The following ASXL2 variants were observed in gnomAD, a reference collection of about 807,000 sequenced individuals.
ASXL2 encodes putative Polycomb group protein ASXL2.
A neutral mutation model predicts 122.0 loss-of-function variants in ASXL2; 23 were observed. The observed-to-expected ratio is 0.19, with a 90% CI of 0.14 to 0.27. The LOEUF (loss-of-function observed/expected upper bound fraction) is 0.27, where lower values mean the gene tolerates loss of function less well. ASXL2 is among the 10% of genes least tolerant of loss of function. ASXL2 has a pLI of 1.00. For synonymous variants in ASXL2, 650 were observed against 637.0 expected, an observed-to-expected ratio of 1.02 and a Z score of -0.31; for missense variants, 1,518 against 1,713.8, an observed-to-expected ratio of 0.89 and a Z score of 2.02.
At chr2:25,825,228 C>T (rs1478225049) in intron 3 of ASXL2, among the ~76,000 whole-genome samples, 2 of 152,194 alleles carry the variant, frequency 1.3e-5, no homozygotes, top group Non-Finnish European at 2.9e-5. Flanking sequence ...CTATTTCCTA[C>T]TAATATAACA....
chr2:25,815,700 C>A (rs1303893304), intron 3 of ASXL2, among the ~76,000 whole-genome samples: 3 of 152,106 alleles, frequency 2.0e-5, no homozygotes, highest in Non-Finnish European at 4.4e-5. Context: ...GAGAATGGAA[C>A]AAAATTGAAG....
intron 1 of ASXL2, among the ~76,000 whole-genome samples, chr2:25,866,776 A>G (rs138444320): frequency 0.025 from 3,735 of 152,328 alleles, 130 homozygotes; most frequent in African/African-American, 0.078. Context: ...TCTGTTGCCC[A>G]GGCTGGAGTG....
chr2:25,814,168 G>A (rs2089206570), intron 3 of ASXL2, among the ~76,000 whole-genome samples: 1 of 152,074 alleles, frequency 6.6e-6, no homozygotes, highest in South Asian at 2.1e-4. Flanking sequence ...AAGATATACA[G>A]GACACAGTAC....
intron 1 of ASXL2, 74 bp from the exon 2 acceptor site, chr2:25,845,637 TTAC>T: frequency 1.4e-6 from 1 of 690,748 alleles, no homozygotes; most frequent in Non-Finnish European, 2.0e-6. Context: ...TTTCTTATAA[TTAC>T]GTCTTAAAAG....
chr2:25,825,140 G>C (rs1177261511), intron 3 of ASXL2, among the ~76,000 whole-genome samples: 5 of 152,034 alleles, frequency 3.3e-5, no homozygotes, highest in Admixed American at 2.0e-4. Context: ...AATTTAACAA[G>C]GTAAAATGAA....
At position 25,799,503 on chromosome 2, in the gene ASXL2, T is replaced by C; in HGVS notation, c.285A>G (p.Ser95=). 1 of 1,613,928 alleles carries C rather than the reference T, an allele frequency of 6.2e-7. No individual in the cohort carries two copies. Among genetic ancestry groups the C allele is most frequent in the South Asian group, 1.1e-5 (1 of 91,080 alleles). ...CATCACTGCTTTCTTCTGAACCTTC[T>C]GACAGCTCTTTCACCCCATCCGGCA... is the stretch of plus-strand genomic sequence containing the variant. ...KDVPDGVKEL[S]EGSEESSDGQ... is the part of the protein sequence containing the mutation. Residue 95 remains serine, a synonymous_variant, in exon 5 of 13, where the codon TCA becomes TCG. Coordinates refer to ENST00000435504, the MANE Select transcript of ASXL2 (RefSeq NM_018263.6).
At chr2:25,751,723 A>G (rs988381155) in intron 11 of ASXL2, among the ~76,000 whole-genome samples, 8 of 152,168 alleles carry the variant, frequency 5.3e-5, no homozygotes, top group African/African-American at 1.9e-4. Context: ...GTCTAAATGT[A>G]CCAAACATCA....
chr2:25,804,290 A>G (rs1264575773), intron 4 of ASXL2, among the ~76,000 whole-genome samples: 1 of 152,216 alleles, frequency 6.6e-6, no homozygotes, highest in African/African-American at 2.4e-5. Flanking sequence ...ATTCCCCTTC[A>G]GCTGATAAAT....
intron 3 of ASXL2, among the ~76,000 whole-genome samples, chr2:25,833,999 T>C (rs373436829): frequency 1.1e-4 from 16 of 152,202 alleles, no homozygotes; most frequent in African/African-American, 3.9e-4. Flanking sequence ...CCATATTCTT[T>C]AAATAAATCT....
chr2:25,775,665 G>A (rs2088535233), intron 5 of ASXL2, among the ~76,000 whole-genome samples: 1 of 152,086 alleles, frequency 6.6e-6, no homozygotes, highest in African/African-American at 2.4e-5. Flanking sequence ...TGCCATGATT[G>A]TTGTTTCCTG....
Position 25,878,343 on chromosome 2 carries a change from A to C in ASXL2, c.-121T>G. 1.3e-5 allele frequency: 10 copies of C among 789,874 alleles called. No individual in the cohort carries two copies. The highest frequency in any genetic ancestry group is 8.3e-5 in the East Asian group (2 of 24,038). The allele number at this position is 789,874 out of a possible 1,614,324, so 48.9% of individuals were successfully genotyped here. ...AAAGGTGGGAGAAAAGGGAAGTCAG[A>C]CCGGGGGGGCACCCAAGCAGAGGAA... On this transcript the variant is annotated 5_prime_UTR_variant, in exon 1 of 13. Coordinates refer to ENST00000435504, the MANE Select transcript of ASXL2 (RefSeq NM_018263.6).
intron 3 of ASXL2, among the ~76,000 whole-genome samples, chr2:25,816,908 T>G (rs2089245122): frequency 6.6e-6 from 1 of 152,206 alleles, no homozygotes. Flanking sequence ...GCGGATCACC[T>G]GAGGTCTGAT....
intron 10 of ASXL2, among the ~76,000 whole-genome samples, chr2:25,754,016 G>A (rs1421787452): frequency 1.3e-5 from 2 of 152,000 alleles, no homozygotes; most frequent in Non-Finnish European, 2.9e-5. Flanking sequence ...TATGCCACTG[G>A]GCATTTTTAC....
intron 1 of ASXL2, among the ~76,000 whole-genome samples, chr2:25,862,345 T>C (rs2089850093): frequency 6.6e-6 from 1 of 152,210 alleles, no homozygotes; most frequent in Non-Finnish European, 1.5e-5. Flanking sequence ...GCTTCACTTA[T>C]ATTACAATGG....
intron 3 of ASXL2, among the ~76,000 whole-genome samples, chr2:25,813,273 A>C (rs1190055963): frequency 6.6e-6 from 1 of 152,210 alleles, no homozygotes; most frequent in East Asian, 1.9e-4. Context: ...TATTAATATA[A>C]ACACAGGTCC....
intron 12 of ASXL2, among the ~76,000 whole-genome samples, chr2:25,746,253 G>A (rs2087939853): frequency 6.6e-6 from 1 of 152,060 alleles, no homozygotes; most frequent in South Asian, 2.1e-4. Context: ...AAGGTCAGTA[G>A]TCCTCAAAAA....
chr2:25,822,289 C>A (rs565944236), intron 3 of ASXL2, among the ~76,000 whole-genome samples: 1 of 152,218 alleles, frequency 6.6e-6, no homozygotes, highest in African/African-American at 2.4e-5. Context: ...GCTCTTTCTG[C>A]GCGGTGCATT....
At position 25,750,192 on chromosome 2, in the gene ASXL2, G is replaced by A. The variant is rs2088020744; in HGVS notation, c.1364C>T (p.Pro455Leu). Reference sequence around the variant, plus strand: ...GGGCTCTGAAGATGTGGAGAAGTTCGGCTGCACTTCACCTTGGCTTTCACA... The same window carrying A: ...GGGCTCTGAAGATGTGGAGAAGTTCAGCTGCACTTCACCTTGGCTTTCACA... Reference protein sequence around the residue: ...EECESQGEVQPNFSTSSEPLL... With the variant: ...EECESQGEVQLNFSTSSEPLL... Residue 455 changes from proline to leucine, a missense_variant, in exon 12 of 13, where the codon CCG becomes CTG. Coordinates refer to ENST00000435504, the MANE Select transcript of ASXL2 (RefSeq NM_018263.6). The A allele has an allele frequency of 3.7e-6, 6 of 1,613,892 alleles. No homozygotes were observed. The highest frequency in any genetic ancestry group is 5.1e-6 in the Non-Finnish European group (6 of 1,179,860).
intron 12 of ASXL2, among the ~76,000 whole-genome samples, chr2:25,748,839 T>A (rs1379371519): frequency 6.6e-6 from 1 of 152,242 alleles, no homozygotes; most frequent in African/African-American, 2.4e-5. Context: ...CAGTCAAAGA[T>A]ACTACCTAGA....
Sources: gnomAD v4.1 joint callset for allele counts (sites outside exome capture counted in the v4.1 genomes callset) on GRCh38, gnomAD v4.1.1 for gene constraint, MANE v1.5 for transcripts, NCBI Gene and HGNC (gene_info 2026-07-23, HGNC 2026-07-21) for gene names.